The following KLHL4 variants were observed in gnomAD, a reference collection of about 807,000 sequenced individuals.
The protein encoded by KLHL4 is kelch-like protein 4.
A neutral mutation model predicts 45.8 loss-of-function variants in KLHL4; 17 were observed. That is an observed-to-expected ratio of 0.37 (90% CI 0.25 to 0.56). The LOEUF is 0.56. KLHL4 is among the 20% of genes least tolerant of loss of function. KLHL4 has a pLI of 0.79. For missense variants in KLHL4, 544 were observed against 544.9 expected (o/e 1.00, Z 0.02); for synonymous variants, 224 against 189.9 (o/e 1.18, Z -1.47).
At chrX:87,610,342 TA>T (rs1922330332) in intron 1 of KLHL4, among the ~76,000 whole-genome samples, 1 of 112,249 alleles carries the variant, frequency 8.9e-6, no homozygotes, top group South Asian at 3.7e-4. Context: ...GTGGAATGAA[TA>T]AATCTCCTGA....
At chrX:87,649,047 G>A (rs964907922) in intron 9 of KLHL4, among the ~76,000 whole-genome samples, 2 of 111,222 alleles carry the variant, frequency 1.8e-5, no homozygotes, top group African/African-American at 3.3e-5. Flanking sequence ...ACATAATAAG[G>A]ATATTTTATT....
chrX:87,559,950 G>T (rs954900129), intron 1 of KLHL4, among the ~76,000 whole-genome samples: 2 of 111,458 alleles, frequency 1.8e-5, no homozygotes, highest in African/African-American at 6.5e-5. Flanking sequence ...TACAAAAACT[G>T]TACCCTTAAT....
chrX:87,559,437 T>A (rs1310591539), intron 1 of KLHL4, among the ~76,000 whole-genome samples: 1 of 111,925 alleles, frequency 8.9e-6, no homozygotes, highest in Non-Finnish European at 1.9e-5. Context: ...CGGCTCAATC[T>A]TGCTCACTTT....
intron 1 of KLHL4, among the ~76,000 whole-genome samples, chrX:87,564,577 G>A (rs374011081): frequency 9.0e-6 from 1 of 111,224 alleles, no homozygotes; most frequent in Non-Finnish European, 1.9e-5. Flanking sequence ...AGTAAAAATG[G>A]ATTTAAGAGG....
intron 1 of KLHL4, among the ~76,000 whole-genome samples, chrX:87,562,558 AAAT>A (rs1932121095): frequency 9.1e-6 from 1 of 110,396 alleles, no homozygotes; most frequent in African/African-American, 3.3e-5. Context: ...TAAAAAAAAA[AAAT>A]TGTCTTTCAA....
intron 1 of KLHL4, among the ~76,000 whole-genome samples, chrX:87,574,066 A>G (rs1921016237): frequency 8.9e-6 from 1 of 112,037 alleles, no homozygotes; most frequent in Non-Finnish European, 1.9e-5. Context: ...AAAACTAAAA[A>G]AAATTATCAC....
At chrX:87,636,765 A>G (rs1923277665) in intron 9 of KLHL4, among the ~76,000 whole-genome samples, 1 of 109,563 alleles carries the variant, frequency 9.1e-6, no homozygotes, top group Non-Finnish European at 1.9e-5. Flanking sequence ...TCCCCCTGGG[A>G]ACATAACTCC....
chrX:87,635,794 C>T lies in KLHL4; in HGVS notation c.1925+19C>T. 1.2e-5 allele frequency: 13 copies of T among 1,059,317 alleles called. No homozygotes were observed. The highest frequency in any genetic ancestry group is 1.6e-5 in the Non-Finnish European group (13 of 789,389). 87.3% of individuals were successfully genotyped at this position (1,059,317 alleles called of 1,213,427 possible). On this transcript the variant is annotated intron_variant, in intron 9 of 10. Transcript: ENST00000373119. ...TGGAACGGTAAGTTTTTTCTATTTC[C>T]TTCTGTATGTAATTATTTGGTTATT...
rs760961051 is a variant in KLHL4 at position 87,668,417 on chromosome X, A to G, written c.*1883A>G. ...ACTCTCTTCTCAATGGCATAGCTGG[A>G]CTTGATTAAGTATTGACTCATAGAA... On this transcript the variant is annotated 3_prime_UTR_variant, in exon 11 of 11. Coordinates refer to ENST00000373119, the MANE Select transcript of KLHL4 (RefSeq NM_019117.5). 1.4e-4 allele frequency: 108 copies of G among 748,707 alleles called. No individual in the cohort carries two copies. The highest frequency in any genetic ancestry group is 1.6e-4 in the Non-Finnish European group (104 of 635,287). The allele number at this position is 748,707 out of a possible 1,213,427, so 61.7% of individuals were successfully genotyped here.
intron 1 of KLHL4, among the ~76,000 whole-genome samples, chrX:87,581,138 T>C (rs781465290): frequency 4.5e-5 from 5 of 112,303 alleles, no homozygotes; most frequent in Non-Finnish European, 9.4e-5. Context: ...TGCAGTTCAC[T>C]TCTTGTGATA....
intron 1 of KLHL4, among the ~76,000 whole-genome samples, chrX:87,609,371 C>T (rs1922298642): frequency 8.9e-6 from 1 of 111,958 alleles, no homozygotes; most frequent in African/African-American, 3.3e-5. Context: ...TTTACAGTCC[C>T]ACCAACAGTG....
intron 1 of KLHL4, among the ~76,000 whole-genome samples, chrX:87,545,740 G>A (rs949345199): frequency 3.6e-5 from 4 of 111,917 alleles, no homozygotes; most frequent in Non-Finnish European, 7.5e-5. Context: ...AAGAAGACAG[G>A]AAGATGTGGG....
At chrX:87,520,496 A>G (rs1269965979) in intron 1 of KLHL4, among the ~76,000 whole-genome samples, 2 of 112,803 alleles carry the variant, frequency 1.8e-5, no homozygotes, top group African/African-American at 6.4e-5. Flanking sequence ...GCAAACATAC[A>G]ATATAGCAGA....
At chrX:87,556,069 C>A (rs188825040) in intron 1 of KLHL4, among the ~76,000 whole-genome samples, 2 of 110,970 alleles carry the variant, frequency 1.8e-5, no homozygotes, top group East Asian at 5.7e-4. Flanking sequence ...TTTGATTGCA[C>A]TGTAGTCTGA....
intron 9 of KLHL4, among the ~76,000 whole-genome samples, chrX:87,639,622 A>G (rs1226818881): frequency 1.8e-5 from 2 of 111,512 alleles, no homozygotes; most frequent in Non-Finnish European, 3.8e-5. Context: ...ATTGGGTCAC[A>G]GTGAAATCAA....
intron 9 of KLHL4, among the ~76,000 whole-genome samples, chrX:87,651,473 G>A (rs1219964364): frequency 8.9e-6 from 1 of 112,478 alleles, no homozygotes; most frequent in Non-Finnish European, 1.9e-5. Context: ...TCAAAAGCAA[G>A]TTAGTTACTT....
At position 87,669,174 on chromosome X, in the gene KLHL4, AC is replaced by A; in HGVS notation, c.*2641del. On this transcript the variant is annotated 3_prime_UTR_variant, in exon 11 of 11. Transcript: ENST00000373119. Reference sequence around the variant, plus strand: ...TATTCTTACAAGAGTGTAAGGGCTCACACATTTACTGTACTCAGATCTGAAA... The same window carrying A: ...TATTCTTACAAGAGTGTAAGGGCTCAACATTTACTGTACTCAGATCTGAAA... 9.4e-7 allele frequency: 1 copy of A among 1,059,604 alleles called. No homozygotes were observed. The highest frequency in any genetic ancestry group is 1.2e-6 in the Non-Finnish European group (1 of 818,366). 87.3% of individuals were successfully genotyped at this position (1,059,604 alleles called of 1,213,427 possible). A position where few individuals can be genotyped will look rare whatever the true frequency, so the allele number is the denominator to read the frequency against.
In KLHL4 at chrX:87,668,130, G is replaced by A. The variant is rs1924433475; in HGVS notation, c.*1596G>A. 4 of 751,746 alleles carry A rather than the reference G, an allele frequency of 5.3e-6. No homozygotes were observed. The highest frequency in any genetic ancestry group is 6.3e-6 in the Non-Finnish European group (4 of 636,871). The allele number at this position is 751,746 out of a possible 1,213,427, so 62.0% of individuals were successfully genotyped here. A position where few individuals can be genotyped will look rare whatever the true frequency, so the allele number is the denominator to read the frequency against. The stretch of plus-strand genomic sequence containing the variant: ...CTAGAGGTGAAGATAGAGACATAGA[G>A]AGGCTGTGAAACACACATACAGCCC... On this transcript the variant is annotated 3_prime_UTR_variant, in exon 11 of 11. Coordinates refer to ENST00000373119, the MANE Select transcript of KLHL4 (RefSeq NM_019117.5).
chrX:87,663,682 A>G (rs1238143004), intron 9 of KLHL4, among the ~76,000 whole-genome samples: 1 of 112,635 alleles, frequency 8.9e-6, no homozygotes, highest in African/African-American at 3.2e-5. Context: ...GCATGCAGCT[A>G]TGAATTTTCT....
Sources: allele counts gnomAD v4.1 joint callset (sites outside exome capture counted in the v4.1 genomes callset), GRCh38; gene constraint gnomAD v4.1.1; transcripts MANE v1.5; gene names NCBI Gene and HGNC (gene_info 2026-07-23, HGNC 2026-07-21).